Variants in SBF1 observed in about 807,000 individuals in gnomAD.
SBF1 encodes the protein myotubularin-related protein 5.
In SBF1, 65 loss-of-function variants were observed where a neutral mutation model predicts 215.8. That is an observed-to-expected ratio of 0.30 (90% CI 0.25 to 0.37). The LOEUF is 0.37. Among genes scored for constraint, SBF1 ranks in the 10% least tolerant of loss-of-function variants. The pLI, the probability that SBF1 is intolerant of heterozygous loss-of-function variation, is 1.00. For synonymous variants in SBF1, 1,410 were observed against 1,122.8 expected (o/e 1.26, Z -5.11); for missense variants, 2,634 against 2,667.8 (o/e 0.99, Z 0.28).
intron 36 of SBF1, among the ~76,000 whole-genome samples, chr22:50,449,344 C>G (rs894670100): frequency 2.7e-5 from 4 of 149,420 alleles, no homozygotes; most frequent in Non-Finnish European, 6.0e-5. Context: ...GGGCCAGGCG[C>G]GGTGGCTCAC....
intron 16 of SBF1, 66 bp from the exon 17 acceptor site, chr22:50,463,004 C>A (rs1048900823): frequency 6.9e-7 from 1 of 1,445,198 alleles, no homozygotes; most frequent in South Asian, 1.2e-5. Flanking sequence ...TCCCACCATG[C>A]CCCCACCACC....
Position 50,447,387 on chromosome 22 carries a change from C to T in SBF1, c.5518G>A (p.Ala1840Thr). Residue 1840 changes from alanine to threonine, a missense_variant, in exon 40 of 41, where the codon GCT becomes ACT. By Grantham distance (58) the Ala-to-Thr change is moderately conservative (BLOSUM62 0). Coordinates refer to ENST00000380817, the MANE Select transcript of SBF1 (RefSeq NM_002972.4). ...ATAGTGGGCGTGCCAGGTGCCACAG[C>T]CTCCACCTCCGCCAAGTCGATGACA... ...KGVIDLAEVE[A>T]VAPGTPTMGA... 2 of 1,613,934 alleles carry T rather than the reference C, an allele frequency of 1.2e-6. No individual in the cohort carries two copies. Among genetic ancestry groups the T allele is most frequent in the Non-Finnish European group, 1.7e-6 (2 of 1,179,882 alleles).
intron 38 of SBF1, 77 bp from the exon 39 acceptor site, chr22:50,447,686 C>G (rs957016554): frequency 2.3e-5 from 25 of 1,078,110 alleles, no homozygotes; most frequent in Non-Finnish European, 3.4e-5. Flanking sequence ...TCGTCCCCCC[C>G]TTGCTGTCCC....
At chr22:50,456,098 C>T in intron 31 of SBF1, 118 bp downstream of exon 31, 1 of 1,129,294 alleles carries the variant, frequency 8.9e-7, no homozygotes, top group Non-Finnish European at 1.2e-6. Flanking sequence ...GTGGCTGTCA[C>T]CTCCTCCTTC....
chr22:50,472,524 G>A (rs113001437), intron 1 of SBF1, among the ~76,000 whole-genome samples: 5 of 152,272 alleles, frequency 3.3e-5, no homozygotes, highest in African/African-American at 9.6e-5. Context: ...ACTAATGAAA[G>A]AAACTCATCA....
Position 50,462,938 on chromosome 22 carries a change from C to A in SBF1, c.1900G>T (p.Asp634Tyr), listed in dbSNP as rs1411547414. The A allele has an allele frequency of 6.2e-7, 1 of 1,612,440 alleles. No homozygotes were observed. Among genetic ancestry groups the A allele is most frequent in the African/African-American group, 1.3e-5 (1 of 75,032 alleles). Residue 634 changes from aspartate (D) to tyrosine (Y), a missense_variant and splice_region_variant, in exon 17 of 41, where the codon GAC (aspartate) becomes TAC (tyrosine). Transcript: ENST00000380817. ...CCATGCTCGTCCAGAGAAGTGCAGT[C>A]CTGCAGGTAGAGCGAGAGACCGTCA... Reference protein sequence around the residue: ...VVRMMNCCLQDCTSLDEHGIA... With the variant: ...VVRMMNCCLQYCTSLDEHGIA...
intron 15 of SBF1, 21 bp downstream of exon 15, chr22:50,464,308 T>C: frequency 6.3e-7 from 1 of 1,595,902 alleles, no homozygotes; most frequent in Non-Finnish European, 8.6e-7. Context: ...CTGGCCCGGC[T>C]GGAGCCTGCA....
Position 50,461,600 on chromosome 22 carries a change from G to C in SBF1, c.2762C>G (p.Ala921Gly). ...EGAGGSAGGP[A>G]LLPAEGAVFL... Reference sequence around the variant, plus strand: ...GACGGCGCCCTCAGCTGGGAGCAATGCTGGTCCCCCAGCACTGCCCCCCGC... The same window carrying C: ...GACGGCGCCCTCAGCTGGGAGCAATCCTGGTCCCCCAGCACTGCCCCCCGC... Residue 921 changes from alanine to glycine, a missense_variant, in exon 22 of 41, where the codon GCA (alanine) becomes GGA (glycine). Physicochemically the swap from Ala to Gly is moderately conservative, Grantham distance 60. Transcript: ENST00000380817. 1 of 1,612,146 alleles carries C rather than the reference G, an allele frequency of 6.2e-7. No homozygotes were observed. Among genetic ancestry groups the C allele is most frequent in the Admixed American group, 1.7e-5 (1 of 59,996 alleles).
intron 2 of SBF1, among the ~76,000 whole-genome samples, 156 bp downstream of exon 2, chr22:50,468,209 GCCGCCGGCCAA>G (rs1239457628): frequency 1.3e-5 from 2 of 152,192 alleles, no homozygotes. Flanking sequence ...CACCGCACAG[GCCGCCGGCCAA>G]GCCGGTCAAA....
intron 36 of SBF1, among the ~76,000 whole-genome samples, chr22:50,453,790 AT>A (rs1332927064): frequency 1.1e-4 from 16 of 151,898 alleles, no homozygotes; most frequent in Non-Finnish European, 1.9e-4. Flanking sequence ...CCATCTCAAA[AT>A]AAAAAAAAAA....
rs558438739 is a variant in SBF1, at chr22:50,462,230, C to T, written c.2371G>A (p.Ala791Thr). 1.3e-5 allele frequency: 21 copies of T among 1,607,802 alleles called. No individual in the cohort carries two copies. Among genetic ancestry groups the T allele is most frequent in the Middle Eastern group, 1.6e-4 (1 of 6,062 alleles). The part of the protein sequence containing the change: ...ERAGLGDLES[A>T]SNSLVTNSMA... Reference sequence around the variant, plus strand: ...CTGTTGGTGACCAGGCTGTTGCTGGCGCTCTCCAGGTCGCCCAGCCCGGCA... The same window carrying T: ...CTGTTGGTGACCAGGCTGTTGCTGGTGCTCTCCAGGTCGCCCAGCCCGGCA... Residue 791 changes from alanine to threonine, a missense_variant, in exon 19 of 41, where the codon GCC (alanine) becomes ACC (threonine). Transcript: ENST00000380817.
chr22:50,473,074 G>A (rs563638142), intron 1 of SBF1, among the ~76,000 whole-genome samples: 7 of 152,282 alleles, frequency 4.6e-5, no homozygotes, highest in Admixed American at 1.3e-4. Flanking sequence ...GAGCACACAC[G>A]TCACAGCCAG....
intron 28 of SBF1, chr22:50,457,459 G>C: frequency 3.8e-6 from 1 of 263,506 alleles, no homozygotes; most frequent in East Asian, 6.8e-5. Flanking sequence ...TCCACTCAGG[G>C]GGCCAGGGCT....
chr22:50,467,142 GAC>G, intron 5 of SBF1, 194 bp downstream of exon 5: 1 of 600,988 alleles, frequency 1.7e-6, no homozygotes, highest in Non-Finnish European at 3.0e-6. Flanking sequence ...GAGGCTGAAC[GAC>G]ACAGGCCCAG....
rs544622584 is a variant in SBF1 at position 50,460,626 on chromosome 22, C to G, written c.3054G>C (p.Pro1018=). ...TGAACGCAAAGGTGGCCCTGATGTC[C>G]GGCGGGTACCGCAGCTTATGCAGCT... The part of the protein sequence containing the change: ...RKQLHKLRYP[P]DIRATFAFTL... The change falls in exon 24 of 41, where the codon CCG becomes CCC. Residue 1018 remains proline (P), a synonymous_variant. Transcript: ENST00000380817. 18 of 1,613,942 alleles carry G rather than the reference C, an allele frequency of 1.1e-5. No individual in the cohort carries two copies. Among genetic ancestry groups the G allele is most frequent in the Middle Eastern group, 1.6e-4 (1 of 6,072 alleles).
intron 16 of SBF1, 144 bp downstream of exon 16, chr22:50,463,139 G>A (rs2067592657): frequency 8.3e-7 from 1 of 1,211,946 alleles, no homozygotes; most frequent in Non-Finnish European, 1.2e-6. Flanking sequence ...TCTCCACCCT[G>A]TTCCCTGCAG....
chr22:50,448,413 G>A lies in SBF1; in HGVS notation c.5183C>T (p.Ala1728Val). 1 of 1,613,872 alleles carries A rather than the reference G, an allele frequency of 6.2e-7. No individual in the cohort carries two copies. The highest frequency in any genetic ancestry group is 8.5e-7 in the Non-Finnish European group (1 of 1,180,012). The change falls in exon 38 of 41, where the codon GCA (alanine) becomes GTA (valine). Residue 1728 changes from alanine (A) to valine (V), a missense_variant. By Grantham distance (64) the Ala-to-Val change is moderately conservative. Coordinates refer to ENST00000380817, the MANE Select transcript of SBF1 (RefSeq NM_002972.4). The part of the protein sequence containing the change: ...GTPSSLLVST[A>V]PHHRRSLGVY... ...ACCCAGCGAGCGACGGTGGTGGGGT[G>A]CGGTGGACACAAGGAGGGAGCTAGG...
intron 1 of SBF1, among the ~76,000 whole-genome samples, chr22:50,471,731 T>C (rs1453708600): frequency 6.6e-6 from 1 of 151,990 alleles, no homozygotes; most frequent in Non-Finnish European, 1.5e-5. Flanking sequence ...ACCCAAGGCC[T>C]TGGACCCCTT....
Position 50,464,809 on chromosome 22 carries a change from A to G in SBF1, c.1431+10T>C. 6.2e-7 allele frequency: 1 copy of G among 1,613,266 alleles called. No individual in the cohort carries two copies. Among genetic ancestry groups the G allele is most frequent in the South Asian group, 1.1e-5 (1 of 91,040 alleles). Reference sequence around the variant, plus strand: ...CGGTACGACGCCCTCCCGTCCTGCTACCCTCGTACGTTCTTGTAGAGCTGC... The same window carrying G: ...CGGTACGACGCCCTCCCGTCCTGCTGCCCTCGTACGTTCTTGTAGAGCTGC... On this transcript the variant is annotated intron_variant, in intron 13 of 40. Transcript: ENST00000380817.
Sources: gnomAD v4.1 joint callset for allele counts (sites outside exome capture counted in the v4.1 genomes callset) on GRCh38, gnomAD v4.1.1 for gene constraint, MANE v1.5 for transcripts, NCBI Gene and HGNC (gene_info 2026-07-23, HGNC 2026-07-21) for gene names.